Variants in CTNNA3 observed in about 807,000 individuals in gnomAD.
The protein encoded by CTNNA3 is catenin alpha 3, also known as catenin alpha-3.
Under a neutral mutation model 95.7 loss-of-function variants are expected in CTNNA3, and 76 were observed. That is an observed-to-expected ratio of 0.79 (90% CI 0.66 to 0.96). The LOEUF is 0.96. CTNNA3 is among the 40% of genes least tolerant of loss of function. CTNNA3 has a pLI of 0.00. For synonymous variants in CTNNA3, 431 were observed against 374.4 expected (o/e 1.15, Z -1.74); for missense variants, 1,191 against 1,089.8 (o/e 1.09, Z -1.31).
At chr10:67,447,885 TTTCAATGTTAG>T (rs1846817373) in intron 5 of CTNNA3, among the ~76,000 whole-genome samples, 1 of 152,182 alleles carries the variant, frequency 6.6e-6, no homozygotes, top group Admixed American at 6.5e-5. Flanking sequence ...GGAAGAGCTC[TTTCAATGTTAG>T]TTCAATGAAT....
At chr10:66,469,928 G>A (rs1451392932) in intron 11 of CTNNA3, among the ~76,000 whole-genome samples, 1 of 151,752 alleles carries the variant, frequency 6.6e-6, no homozygotes, top group Admixed American at 6.6e-5. Flanking sequence ...TATGAAGTTT[G>A]ACTATAAAAT....
chr10:67,019,433 G>T (rs1394995499), intron 7 of CTNNA3, among the ~76,000 whole-genome samples: 7 of 152,044 alleles, frequency 4.6e-5, no homozygotes, highest in African/African-American at 2.4e-5. Context: ...GGTCAAGCTG[G>T]TCACAAACTC....
chr10:66,650,976 C>G (rs1845876901), intron 9 of CTNNA3, among the ~76,000 whole-genome samples: 1 of 152,154 alleles, frequency 6.6e-6, no homozygotes, highest in African/African-American at 2.4e-5. Context: ...TTATCTGACC[C>G]CACCCACATC....
chr10:66,242,403 A>AG (rs1403008031), intron 13 of CTNNA3, among the ~76,000 whole-genome samples: 1 of 152,194 alleles, frequency 6.6e-6, no homozygotes, highest in African/African-American at 2.4e-5. Context: ...CCACTGACAC[A>AG]GATTGGAGAC....
intron 3 of CTNNA3, among the ~76,000 whole-genome samples, chr10:67,555,639 T>C (rs893910593): frequency 1.3e-5 from 2 of 152,210 alleles, no homozygotes; most frequent in Admixed American, 6.5e-5. Flanking sequence ...GCTTATCAGC[T>C]TAAGGAGATT....
rs548638723 is a variant in CTNNA3 at position 66,150,287 on chromosome 10, T to C, written c.1885-47038A>G. Among the ~76,000 whole-genome samples the C allele has an allele frequency of 1.1e-3, 172 of 152,296 alleles. 1 individual carries two copies. The highest frequency in any genetic ancestry group is 3.9e-3 in the African/African-American group (163 of 41,592). On this transcript the variant is annotated intron_variant, in intron 13 of 17. Transcript: ENST00000433211. ...TTTGCCTGGCACCATCCATGTAAGATGTGACTTGCTCCTCCTTGCCTTCCA... is the reference window on the plus strand; with the variant it reads ...TTTGCCTGGCACCATCCATGTAAGACGTGACTTGCTCCTCCTTGCCTTCCA...
chr10:66,827,841 C>G (rs1842570191), intron 7 of CTNNA3, among the ~76,000 whole-genome samples: 1 of 152,172 alleles, frequency 6.6e-6, no homozygotes, highest in South Asian at 2.1e-4. Context: ...AAAAGTCTCA[C>G]AGTAACTTGG....
At chr10:67,723,449 T>C (rs1358183017) in intron 1 of CTNNA3, among the ~76,000 whole-genome samples, 1 of 151,870 alleles carries the variant, frequency 6.6e-6, no homozygotes, top group East Asian at 1.9e-4. Flanking sequence ...AGCCACCACA[T>C]CTAGCTAGTT....
intron 7 of CTNNA3, among the ~76,000 whole-genome samples, chr10:67,046,279 C>T (rs1854738145): frequency 6.6e-6 from 1 of 152,130 alleles, no homozygotes; most frequent in African/African-American, 2.4e-5. Context: ...TATGTTTATA[C>T]AATTCTTATC....
chr10:66,851,530 T>C (rs1843486662), intron 7 of CTNNA3, among the ~76,000 whole-genome samples: 1 of 152,018 alleles, frequency 6.6e-6, no homozygotes, highest in African/African-American at 2.4e-5. Context: ...TCCTGAATGG[T>C]TTAGCACCAT....
chr10:66,997,648 T>C (rs1023139372), intron 7 of CTNNA3, among the ~76,000 whole-genome samples: 14 of 152,190 alleles, frequency 9.2e-5, no homozygotes, highest in African/African-American at 2.7e-4. Context: ...GGACACCATC[T>C]CTCTGTTCTA....
intron 9 of CTNNA3, among the ~76,000 whole-genome samples, chr10:66,658,509 G>C (rs1171220784): frequency 1.3e-5 from 2 of 152,132 alleles, no homozygotes; most frequent in African/African-American, 4.8e-5. Context: ...GAAAATATAA[G>C]AGAGGAGGTC....
At chr10:66,956,482 A>T (rs940799721) in intron 7 of CTNNA3, among the ~76,000 whole-genome samples, 2 of 152,086 alleles carry the variant, frequency 1.3e-5, no homozygotes, top group African/African-American at 4.8e-5. Flanking sequence ...AGTTATTGTC[A>T]TCCAGGCAAT....
At chr10:66,248,600 A>T (rs1001654282) in intron 13 of CTNNA3, among the ~76,000 whole-genome samples, 1 of 152,166 alleles carries the variant, frequency 6.6e-6, no homozygotes, top group Non-Finnish European at 1.5e-5. Flanking sequence ...TGCTATACTT[A>T]TATGAGACAA....
intron 15 of CTNNA3, among the ~76,000 whole-genome samples, chr10:66,033,683 T>G (rs889954350): frequency 6.6e-6 from 1 of 152,014 alleles, no homozygotes; most frequent in Non-Finnish European, 1.5e-5. Context: ...TATGAAGCTA[T>G]GTTTATTATA....
At chr10:66,795,235 T>C (rs1415807915) in intron 7 of CTNNA3, among the ~76,000 whole-genome samples, 1 of 152,198 alleles carries the variant, frequency 6.6e-6, no homozygotes, top group Non-Finnish European at 1.5e-5. Flanking sequence ...TATAGCCTTA[T>C]GAAATATATT....
chr10:66,358,201 G>A (rs1023533075), intron 12 of CTNNA3, among the ~76,000 whole-genome samples: 1 of 152,148 alleles, frequency 6.6e-6, no homozygotes, highest in African/African-American at 2.4e-5. Context: ...TCAAAGGCTA[G>A]GAGAGTTAAA....
chr10:67,000,268 T>G (rs559592077), intron 7 of CTNNA3, among the ~76,000 whole-genome samples: 1 of 152,314 alleles, frequency 6.6e-6, no homozygotes, highest in Non-Finnish European at 1.5e-5. Flanking sequence ...AATAGATTTC[T>G]AAACTCCTCT....
chr10:66,852,240 C>T (rs1222235302), intron 7 of CTNNA3, among the ~76,000 whole-genome samples: 1 of 152,038 alleles, frequency 6.6e-6, no homozygotes, highest in Non-Finnish European at 1.5e-5. Context: ...TATGTTATTA[C>T]TGAAATTCAA....
Sources: gnomAD v4.1 joint callset for allele counts (sites outside exome capture counted in the v4.1 genomes callset) on GRCh38, gnomAD v4.1.1 for gene constraint, MANE v1.5 for transcripts, NCBI Gene and HGNC (gene_info 2026-07-23, HGNC 2026-07-21) for gene names.